The following DZIP3 variants were observed in gnomAD, a reference collection of about 807,000 sequenced individuals.
DZIP3 encodes DAZ interacting zinc finger protein 3.
Under a neutral mutation model 162.0 loss-of-function variants are expected in DZIP3, and 118 were observed. That is an observed-to-expected ratio of 0.73 (90% CI 0.63 to 0.85). The LOEUF is 0.85. Among genes scored for constraint, DZIP3 ranks in the 40% least tolerant of loss-of-function variants. The pLI, the probability that DZIP3 is intolerant of heterozygous loss-of-function variation, is 0.00. For missense variants in DZIP3, 1,331 were observed against 1,407.0 expected, an observed-to-expected ratio of 0.95 and a Z score of 0.86; for synonymous variants, 438 against 458.6, an observed-to-expected ratio of 0.96 and a Z score of 0.57.
intron 1 of DZIP3, among the ~76,000 whole-genome samples, chr3:108,604,618 T>C (rs1369683422): frequency 1.3e-5 from 2 of 152,242 alleles, no homozygotes; most frequent in African/African-American, 2.4e-5. Flanking sequence ...TCCATTGATA[T>C]TTGAACCACA....
chr3:108,690,332 G>A (rs979303497), intron 31 of DZIP3, among the ~76,000 whole-genome samples: 2 of 152,042 alleles, frequency 1.3e-5, no homozygotes, highest in African/African-American at 4.8e-5. Flanking sequence ...TGTCATTATC[G>A]CCAAAGAAAA....
Position 108,675,784 on chromosome 3 carries a change from A to G in DZIP3, c.2694-2A>G. ...TCTTTTGTGTCTCCTTTTCTACAACAGCAACCTAGAATCACTTCAATTAAA... is the reference window on the plus strand; with the variant it reads ...TCTTTTGTGTCTCCTTTTCTACAACGGCAACCTAGAATCACTTCAATTAAA... On this transcript the variant is annotated splice_acceptor_variant, in intron 24 of 32. Coordinates refer to ENST00000361582, the MANE Select transcript of DZIP3 (RefSeq NM_014648.4). LOFTEE classifies it high-confidence loss of function. The G allele has an allele frequency of 6.3e-7, 1 of 1,594,350 alleles. No individual in the cohort carries two copies. Among genetic ancestry groups the G allele is most frequent in the Non-Finnish European group, 8.5e-7 (1 of 1,173,900 alleles).
chr3:108,668,703 C>T (rs1943788329), intron 21 of DZIP3, among the ~76,000 whole-genome samples: 1 of 151,916 alleles, frequency 6.6e-6, no homozygotes, highest in Non-Finnish European at 1.5e-5. Flanking sequence ...TTTCTTTTCA[C>T]TGCATTCTCA....
chr3:108,686,395 C>A, intron 27 of DZIP3, 50 bp from the exon 28 acceptor site: 3 of 1,454,234 alleles, frequency 2.1e-6, no homozygotes, highest in South Asian at 3.2e-5. Context: ...ATAGGAATGT[C>A]ACTTCTTAAT....
Position 108,674,100 on chromosome 3 carries a change from G to A in DZIP3, c.2612G>A (p.Arg871Lys). The A allele has an allele frequency of 1.9e-6, 3 of 1,611,954 alleles. No individual in the cohort carries two copies. The highest frequency in any genetic ancestry group is 2.5e-6 in the Non-Finnish European group (3 of 1,178,776). ...TAEVYFLQCR[R>K]DFGLLHLEQT... Reference sequence around the variant, plus strand: ...TAGGTGTATTTCTTACAGTGTCGTAGGGATTTTGGTTTGCTTCATCTAGAG... The same window carrying A: ...TAGGTGTATTTCTTACAGTGTCGTAAGGATTTTGGTTTGCTTCATCTAGAG... The change falls in exon 24 of 33, where the codon AGG (arginine) becomes AAG (lysine). Residue 871 changes from arginine (R) to lysine (K), a missense_variant. By Grantham distance (26) the Arg-to-Lys change is conservative (BLOSUM62 2). This residue lies in a region of DZIP3 where 1,278 missense variants were observed against 1,317.1 expected (regional missense o/e 0.97). Transcript: ENST00000361582.
chr3:108,658,135 C>T (rs1209199466), intron 19 of DZIP3, among the ~76,000 whole-genome samples: 63 of 152,162 alleles, frequency 4.1e-4, no homozygotes, highest in East Asian at 1.9e-3. Context: ...CTGCACCAAG[C>T]GGACCTAATA....
intron 2 of DZIP3, 34 bp from the exon 3 acceptor site, chr3:108,608,055 T>A: frequency 6.5e-7 from 1 of 1,530,958 alleles, no homozygotes; most frequent in Non-Finnish European, 9.0e-7. Flanking sequence ...TGTGAGAAGA[T>A]GCTCTTAATA....
At chr3:108,651,513 G>A (rs190999223) in intron 18 of DZIP3, among the ~76,000 whole-genome samples, 9 of 151,632 alleles carry the variant, frequency 5.9e-5, no homozygotes, top group Admixed American at 2.0e-4. Flanking sequence ...TTTAAAGGAT[G>A]CATCACTCCT....
chr3:108,672,229 T>A (rs1208155173), intron 22 of DZIP3, among the ~76,000 whole-genome samples: 1 of 151,810 alleles, frequency 6.6e-6, no homozygotes, highest in African/African-American at 2.4e-5. Context: ...AACATATGAG[T>A]TTTGGGGGAA....
At chr3:108,621,685 G>T (rs957349417) in intron 5 of DZIP3, among the ~76,000 whole-genome samples, 1 of 152,094 alleles carries the variant, frequency 6.6e-6, no homozygotes, top group Non-Finnish European at 1.5e-5. Flanking sequence ...AAACCACTAT[G>T]GCAAGCAGTT....
chr3:108,654,867 AT>A (rs930349777), intron 19 of DZIP3, among the ~76,000 whole-genome samples: 4 of 152,054 alleles, frequency 2.6e-5, no homozygotes, highest in African/African-American at 9.7e-5. Flanking sequence ...TTAAAAAACT[AT>A]TTTTTTACCT....
chr3:108,640,447 CTTTT>C (rs752907153), intron 12 of DZIP3, among the ~76,000 whole-genome samples: 1 of 116,138 alleles, frequency 8.6e-6, no homozygotes, highest in Non-Finnish European at 1.8e-5. Flanking sequence ...ATTTAACATC[CTTTT>C]TTTTTTTTTT....
intron 21 of DZIP3, among the ~76,000 whole-genome samples, chr3:108,666,661 A>C (rs1943691303): frequency 6.6e-6 from 1 of 152,112 alleles, no homozygotes; most frequent in Non-Finnish European, 1.5e-5. Flanking sequence ...AAACCTCAAC[A>C]ACAAATTTAA....
rs1220765465 is a variant in DZIP3, at chr3:108,624,765, T to TA, written c.456+243dup. On this transcript the variant is annotated intron_variant, in intron 6 of 32. Coordinates refer to ENST00000361582, the MANE Select transcript of DZIP3 (RefSeq NM_014648.4). ...TAGTATAGCTTAATCCCTCTGGTTTTAATCGTATCCCTTTTGTAAAATATG... is the reference window on the plus strand; with the variant it reads ...TAGTATAGCTTAATCCCTCTGGTTTTAAATCGTATCCCTTTTGTAAAATATG... 2.0e-5 allele frequency among the ~76,000 whole-genome samples: 3 copies of TA among 152,288 alleles called. No homozygotes were observed. The East Asian group carries it at 5.8e-4, about 29-fold the overall frequency.
intron 1 of DZIP3, among the ~76,000 whole-genome samples, chr3:108,602,552 T>C (rs1221277268): frequency 6.6e-6 from 1 of 152,188 alleles, no homozygotes; most frequent in Non-Finnish European, 1.5e-5. Context: ...TCCCAGGAAG[T>C]CAGAGTAAAT....
chr3:108,608,284 C>T (rs1180225881), intron 3 of DZIP3, 126 bp downstream of exon 3: 12 of 659,882 alleles, frequency 1.8e-5, no homozygotes, highest in Middle Eastern at 4.2e-4. Flanking sequence ...TACTTTCCTA[C>T]CTTCATAAGT....
chr3:108,663,343 G>A (rs1405435431), intron 21 of DZIP3, among the ~76,000 whole-genome samples: 1 of 152,036 alleles, frequency 6.6e-6, no homozygotes, highest in African/African-American at 2.4e-5. Flanking sequence ...GATCACTTGA[G>A]GTTGGGAGTT....
At chr3:108,590,492 G>A (rs143947129) in intron 1 of DZIP3, among the ~76,000 whole-genome samples, 2 of 152,312 alleles carry the variant, frequency 1.3e-5, no homozygotes, top group East Asian at 3.9e-4. Flanking sequence ...GGACATTCAT[G>A]TAAAAATCTT....
intron 26 of DZIP3, among the ~76,000 whole-genome samples, chr3:108,680,074 G>C (rs1040441908): frequency 6.6e-6 from 1 of 152,018 alleles, no homozygotes; most frequent in Admixed American, 6.6e-5. Flanking sequence ...TGCAGAAAAA[G>C]CATTTGACAA....
Sources: gnomAD v4.1 joint callset for allele counts (sites outside exome capture counted in the v4.1 genomes callset) on GRCh38, gnomAD v4.1.1 for gene constraint, gnomAD v4.1.1 regional missense constraint, MANE v1.5 for transcripts, NCBI Gene and HGNC (gene_info 2026-07-23, HGNC 2026-07-21) for gene names.